The following GRM1 variants were observed in gnomAD, a reference collection of about 807,000 sequenced individuals.
GRM1 encodes the protein metabotropic glutamate receptor 1.
In GRM1, 33 loss-of-function variants were observed where a neutral mutation model predicts 90.9. The ratio of observed to expected loss-of-function variants is 0.36; its 90% CI spans 0.28 to 0.49. The LOEUF (loss-of-function observed/expected upper bound fraction) is 0.49. Ranked by LOEUF, GRM1 falls within the 20% of genes least tolerant of loss-of-function variation. The probability of loss-of-function intolerance (pLI) is 0.99; values close to 1 mark genes in which losing one functional copy is unlikely to be tolerated. For synonymous variants in GRM1, 700 were observed against 613.2 expected (o/e 1.14, Z -2.09); for missense variants, 1,190 against 1,534.3 (o/e 0.78, Z 3.75).
chr6:146,393,062 C>T (rs566630159), intron 6 of GRM1, among the ~76,000 whole-genome samples: 1 of 152,276 alleles, frequency 6.6e-6, no homozygotes, highest in African/African-American at 2.4e-5. Context: ...AATGGGATCG[C>T]TGGGTCAAAT....
intron 6 of GRM1, among the ~76,000 whole-genome samples, chr6:146,396,083 T>TCTAG (rs1776917658): frequency 6.8e-6 from 1 of 147,966 alleles, no homozygotes; most frequent in Non-Finnish European, 1.5e-5. Context: ...TATCTATCTA[T>TCTAG]CTATCTATCT....
intron 1 of GRM1, among the ~76,000 whole-genome samples, chr6:146,075,124 A>G (rs1490088378): frequency 2.0e-5 from 3 of 152,128 alleles, no homozygotes; most frequent in African/African-American, 7.2e-5. Flanking sequence ...GTGTTCCATC[A>G]AAAAGAATTA....
At chr6:146,257,601 A>G (rs965403036) in intron 2 of GRM1, among the ~76,000 whole-genome samples, 1 of 152,106 alleles carries the variant, frequency 6.6e-6, no homozygotes, top group African/African-American at 2.4e-5. Flanking sequence ...TTACGTAATT[A>G]TAAAAGTTAA....
intron 2 of GRM1, among the ~76,000 whole-genome samples, chr6:146,198,730 A>T (rs570596256): frequency 2.0e-4 from 31 of 152,316 alleles, no homozygotes; most frequent in African/African-American, 7.5e-4. Context: ...ATATTCAATT[A>T]TCCTTGAGAT....
chr6:146,408,000 G>A (rs1379997313), intron 7 of GRM1, among the ~76,000 whole-genome samples: 2 of 152,118 alleles, frequency 1.3e-5, no homozygotes, highest in Non-Finnish European at 2.9e-5. Flanking sequence ...AAATATCATA[G>A]ACTGGGTGAC....
intron 5 of GRM1, among the ~76,000 whole-genome samples, chr6:146,376,654 T>C (rs548167809): frequency 6.6e-6 from 1 of 152,266 alleles, no homozygotes; most frequent in East Asian, 1.9e-4. Flanking sequence ...GCCTGACATA[T>C]TGGAGCTGTG....
intron 7 of GRM1, among the ~76,000 whole-genome samples, chr6:146,417,533 A>T (rs59363925): frequency 0.013 from 1,962 of 152,272 alleles, 48 homozygotes; most frequent in African/African-American, 0.045. Context: ...ATTGTATGAT[A>T]ATTGCTTATT....
chr6:146,092,384 C>A (rs1249574534), intron 1 of GRM1, among the ~76,000 whole-genome samples: 2 of 152,098 alleles, frequency 1.3e-5, no homozygotes, highest in Non-Finnish European at 2.9e-5. Flanking sequence ...CATCAACTAT[C>A]TTCACCTTTT....
rs535390116 is a variant in GRM1, at chr6:146,084,436, G to A, written c.700+54219G>A. Among the ~76,000 whole-genome samples the A allele has an allele frequency of 3.2e-4, 49 of 151,924 alleles. 1 individual carries two copies. Among genetic ancestry groups the A allele is most frequent in the Admixed American group, 2.9e-3 (44 of 15,258 alleles). On this transcript the variant is annotated intron_variant, in intron 1 of 7. Transcript: ENST00000282753. ...TGTCCCAGAGATTCTGGTATGTTGT[G>A]TCTTCGTTCTCGTTGGTTTCAAAGA...
chr6:146,068,360 A>G (rs558946772), intron 1 of GRM1, among the ~76,000 whole-genome samples: 2 of 152,184 alleles, frequency 1.3e-5, no homozygotes, highest in African/African-American at 2.4e-5. Flanking sequence ...TGATCCGCCC[A>G]CCTCGGCCTC....
intron 2 of GRM1, among the ~76,000 whole-genome samples, chr6:146,207,206 A>G (rs2114634082): frequency 6.6e-6 from 1 of 152,240 alleles, no homozygotes; most frequent in African/African-American, 2.4e-5. Context: ...AAATGGTAGT[A>G]TACTTTAAGC....
At chr6:146,067,185 G>A (rs188331924) in intron 1 of GRM1, among the ~76,000 whole-genome samples, 24 of 152,252 alleles carry the variant, frequency 1.6e-4, no homozygotes, top group Admixed American at 4.6e-4. Flanking sequence ...TTGATCTCAC[G>A]TTAGCAAAAT....
At chr6:146,098,747 C>T (rs1776952428) in intron 1 of GRM1, among the ~76,000 whole-genome samples, 2 of 151,958 alleles carry the variant, frequency 1.3e-5, no homozygotes. Context: ...TCATGCTGTT[C>T]TAGTGATAGT....
At chr6:146,278,009 G>A (rs2114845054) in intron 2 of GRM1, among the ~76,000 whole-genome samples, 1 of 152,162 alleles carries the variant, frequency 6.6e-6, no homozygotes, top group Admixed American at 6.5e-5. Context: ...GGCTATCTGA[G>A]ATTTTTAAGT....
chr6:146,129,804 C>T (rs764455746), intron 1 of GRM1, among the ~76,000 whole-genome samples: 2 of 152,158 alleles, frequency 1.3e-5, no homozygotes, highest in Non-Finnish European at 2.9e-5. Context: ...TTGTGCCAGT[C>T]GGGGCTTCTC....
At chr6:146,217,326 G>A (rs978035962) in intron 2 of GRM1, among the ~76,000 whole-genome samples, 2 of 152,182 alleles carry the variant, frequency 1.3e-5, no homozygotes, top group Non-Finnish European at 2.9e-5. Flanking sequence ...TGTCAAATTT[G>A]TTGCCCAGAG....
chr6:146,237,695 AGAAAT>A (rs1780702075), intron 2 of GRM1, among the ~76,000 whole-genome samples: 1 of 152,110 alleles, frequency 6.6e-6, no homozygotes, highest in African/African-American at 2.4e-5. Context: ...TTGTGACTGG[AGAAAT>A]GAGAGTTTGA....
intron 2 of GRM1, among the ~76,000 whole-genome samples, chr6:146,206,382 G>C (rs180924973): frequency 7.9e-5 from 12 of 152,166 alleles, no homozygotes; most frequent in Admixed American, 6.5e-5. Flanking sequence ...CCAGGCCTGG[G>C]ATCTTGATAC....
intron 2 of GRM1, among the ~76,000 whole-genome samples, chr6:146,301,568 C>G (rs1274816007): frequency 6.6e-6 from 1 of 152,144 alleles, no homozygotes; most frequent in Non-Finnish European, 1.5e-5. Context: ...AATTTCACAT[C>G]TTATTAAACC....
Sources: allele counts gnomAD v4.1 joint callset (sites outside exome capture counted in the v4.1 genomes callset), GRCh38; gene constraint gnomAD v4.1.1; transcripts MANE v1.5; gene names NCBI Gene and HGNC (gene_info 2026-07-23, HGNC 2026-07-21).